The following RABGAP1L variants were observed in gnomAD, a reference collection of about 807,000 sequenced individuals.
RABGAP1L encodes RAB GTPase activating protein 1 like, also known as rab GTPase-activating protein 1-like.
A neutral mutation model predicts 137.7 loss-of-function variants in RABGAP1L; 63 were observed. That is an observed-to-expected ratio of 0.46 (90% CI 0.37 to 0.56). RABGAP1L has a LOEUF of 0.56. Among genes scored for constraint, RABGAP1L ranks in the 20% least tolerant of loss-of-function variants. RABGAP1L has a pLI of 0.00. For synonymous variants in RABGAP1L, 431 were observed against 433.7 expected, an observed-to-expected ratio of 0.99 and a Z score of 0.08; for missense variants, 1,095 against 1,244.0, an observed-to-expected ratio of 0.88 and a Z score of 1.80.
At position 174,621,617 on chromosome 1, in the gene RABGAP1L, T is replaced by C. The variant is rs543444598; in HGVS notation, c.1711-15758T>C. ...AGCAATGGGGAAAGGATTCCCTATT[T>C]AATAAATGGTGTTGGGAAAACTGGC... On this transcript the variant is annotated intron_variant, in intron 13 of 25. Transcript: ENST00000681986. Among the ~76,000 whole-genome samples the C allele has an allele frequency of 4.6e-5, 7 of 152,288 alleles. No homozygotes were observed. In the East Asian group the frequency reaches 1.3e-3, roughly 29 times the overall value.
chr1:174,621,898 C>G, intron 13 of RABGAP1L, among the ~76,000 whole-genome samples: 1 of 152,112 alleles, frequency 6.6e-6, no homozygotes, highest in East Asian at 1.9e-4. Context: ...AAAGAAACTA[C>G]CATCAGAGTG....
chr1:174,570,797 A>G (rs1302132722), intron 13 of RABGAP1L, among the ~76,000 whole-genome samples: 1 of 152,348 alleles, frequency 6.6e-6, no homozygotes. Context: ...ATGTGGAGAA[A>G]AGAGAACCCT....
At chr1:174,588,622 C>G (rs1669312602) in intron 13 of RABGAP1L, among the ~76,000 whole-genome samples, 3 of 152,172 alleles carry the variant, frequency 2.0e-5, no homozygotes, top group Non-Finnish European at 4.4e-5. Context: ...CCTTCTCAAC[C>G]TATGGTAACT....
intron 1 of RABGAP1L, among the ~76,000 whole-genome samples, chr1:174,195,758 TCTC>T (rs1667607532): frequency 7.5e-6 from 1 of 133,954 alleles, no homozygotes; most frequent in African/African-American, 2.8e-5. Context: ...TTTCTCTCTT[TCTC>T]TCTTTCTCTC....
intron 11 of RABGAP1L, among the ~76,000 whole-genome samples, chr1:174,355,449 T>G (rs1683548073): frequency 7.6e-6 from 1 of 132,226 alleles, no homozygotes. Context: ...AACATCACAC[T>G]CTGGGGACTG....
At chr1:174,615,459 GC>G (rs1319832723) in intron 13 of RABGAP1L, among the ~76,000 whole-genome samples, 1 of 152,198 alleles carries the variant, frequency 6.6e-6, no homozygotes, top group Non-Finnish European at 1.5e-5. Flanking sequence ...GGAGTACCCT[GC>G]CATGTCAGGT....
chr1:174,435,859 T>C (rs1571794638), intron 13 of RABGAP1L, among the ~76,000 whole-genome samples: 1 of 145,982 alleles, frequency 6.9e-6, no homozygotes. Context: ...CCTGTGTCCA[T>C]GTGTTCTCAT....
intron 13 of RABGAP1L, among the ~76,000 whole-genome samples, chr1:174,607,655 G>GT (rs1487290741): frequency 1.3e-5 from 2 of 152,268 alleles, no homozygotes; most frequent in African/African-American, 4.8e-5. Flanking sequence ...TTTCAGGGCT[G>GT]TATCACTTAC....
chr1:174,585,636 T>G (rs867715298), intron 13 of RABGAP1L, among the ~76,000 whole-genome samples: 3 of 152,226 alleles, frequency 2.0e-5, no homozygotes, highest in Non-Finnish European at 4.4e-5. Context: ...TCCAAGACAG[T>G]TTTGCTCCTT....
intron 13 of RABGAP1L, among the ~76,000 whole-genome samples, chr1:174,622,951 C>G (rs1370246385): frequency 6.6e-6 from 1 of 152,084 alleles, no homozygotes; most frequent in East Asian, 1.9e-4. Context: ...TTTGAAGTTT[C>G]AGGTGGTACT....
At chr1:174,538,388 T>G (rs766247643) in intron 13 of RABGAP1L, among the ~76,000 whole-genome samples, 30 of 152,232 alleles carry the variant, frequency 2.0e-4, no homozygotes, top group Non-Finnish European at 3.5e-4. Context: ...GAATATAAAC[T>G]ACGTAAGAAT....
intron 11 of RABGAP1L, among the ~76,000 whole-genome samples, chr1:174,342,714 G>A (rs534584324): frequency 6.7e-6 from 1 of 150,248 alleles, no homozygotes; most frequent in Non-Finnish European, 1.5e-5. Flanking sequence ...CCTCTTCCCT[G>A]CCCACCAATT....
In RABGAP1L at chr1:174,336,888, A is replaced by T. The variant is rs868820809; in HGVS notation, c.1465+31761A>T. ...GTGTGTGTGTGTGTGTGTGTGTGAG[A>T]GAGAGAGAGAAAGAGAGAGAAAGAA... is the stretch of plus-strand genomic sequence containing the variant. On this transcript the variant is annotated intron_variant, in intron 11 of 25. Coordinates refer to ENST00000681986, the MANE Select transcript of RABGAP1L (RefSeq NM_001366446.1). Among the ~76,000 whole-genome samples the T allele has an allele frequency of 1.1e-3, 159 of 141,636 alleles. 1 individual carries two copies. The highest frequency in any genetic ancestry group is 4.3e-3 in the African/African-American group (152 of 35,572). 92.9% of individuals were successfully genotyped at this position (141,636 alleles called of 152,430 possible).
intron 18 of RABGAP1L, among the ~76,000 whole-genome samples, chr1:174,755,334 G>A (rs768402696): frequency 2.6e-5 from 4 of 152,148 alleles, no homozygotes; most frequent in Non-Finnish European, 4.4e-5. Flanking sequence ...TCCTCCAAAT[G>A]TAATTTATTT....
chr1:174,985,256 G>C (rs567555048), intron 24 of RABGAP1L, among the ~76,000 whole-genome samples: 1 of 152,134 alleles, frequency 6.6e-6, no homozygotes, highest in South Asian at 2.1e-4. Flanking sequence ...AGCCGGATGT[G>C]GTGGCATGCA....
intron 13 of RABGAP1L, among the ~76,000 whole-genome samples, chr1:174,579,805 C>T (rs897250666): frequency 1.3e-5 from 2 of 152,156 alleles, no homozygotes; most frequent in African/African-American, 4.8e-5. Flanking sequence ...CTCTGTTGCC[C>T]AAGCTGGAGT....
At chr1:174,712,291 T>A (rs1436008863) in intron 17 of RABGAP1L, among the ~76,000 whole-genome samples, 3 of 152,214 alleles carry the variant, frequency 2.0e-5, no homozygotes, top group Non-Finnish European at 4.4e-5. Flanking sequence ...TAAATTTTGT[T>A]GCTGCTCAGT....
intron 17 of RABGAP1L, among the ~76,000 whole-genome samples, chr1:174,710,897 CA>C (rs954932616): frequency 6.6e-6 from 1 of 152,202 alleles, no homozygotes; most frequent in African/African-American, 2.4e-5. Flanking sequence ...AGTCAAGACC[CA>C]TTGGTGTGCT....
At chr1:174,195,214 T>C (rs1667482124) in intron 1 of RABGAP1L, among the ~76,000 whole-genome samples, 1 of 152,226 alleles carries the variant, frequency 6.6e-6, no homozygotes, top group African/African-American at 2.4e-5. Context: ...ATCTGGCTTT[T>C]AGTTTTCCAG....
Sources: gnomAD v4.1 joint callset for allele counts (sites outside exome capture counted in the v4.1 genomes callset) on GRCh38, gnomAD v4.1.1 for gene constraint, MANE v1.5 for transcripts, NCBI Gene and HGNC (gene_info 2026-07-23, HGNC 2026-07-21) for gene names.